The following XIAP variants were observed in gnomAD, a reference collection of about 807,000 sequenced individuals.
XIAP encodes the protein X-linked inhibitor of apoptosis.
A neutral mutation model predicts 33.1 loss-of-function variants in XIAP; 3 were observed. The observed-to-expected ratio is 0.09, with a 90% CI of 0.04 to 0.23. The LOEUF is 0.23. Ranked by LOEUF, XIAP falls within the 10% of genes least tolerant of loss-of-function variation. XIAP has a pLI of 1.00. For synonymous variants in XIAP, 98 were observed against 121.3 expected, an observed-to-expected ratio of 0.81 and a Z score of 1.26; for missense variants, 264 against 363.0, an observed-to-expected ratio of 0.73 and a Z score of 2.22.
chrX:123,899,594 AT>A (rs2053498769), intron 5 of XIAP, among the ~76,000 whole-genome samples: 1 of 109,105 alleles, frequency 9.2e-6, no homozygotes, highest in South Asian at 3.8e-4. Flanking sequence ...ATTACCATAG[AT>A]TAGTTTTGAA....
At chrX:123,899,025 G>T (rs1483116571) in intron 5 of XIAP, among the ~76,000 whole-genome samples, 6 of 94,832 alleles carry the variant, frequency 6.3e-5, no homozygotes, top group Admixed American at 3.8e-4. Flanking sequence ...AGAGGCTGAG[G>T]CAAGAGAATT....
intron 2 of XIAP, 29 bp downstream of exon 2, chrX:123,886,568 G>C (rs770247692): frequency 8.4e-7 from 1 of 1,195,958 alleles, no homozygotes; most frequent in Non-Finnish European, 1.1e-6. Flanking sequence ...CCAATAAATA[G>C]CTTCCCAAGT....
intron 6 of XIAP, among the ~76,000 whole-genome samples, chrX:123,905,786 A>G (rs1314390967): frequency 8.9e-6 from 1 of 112,527 alleles, no homozygotes; most frequent in African/African-American, 3.2e-5. Flanking sequence ...ATAGTTAAAT[A>G]GGGAAATGCC....
Position 123,892,738 on chromosome X carries a change from C to G in XIAP, c.1064C>G (p.Thr355Ser). ...THSLEECLVR[T>S]TEKTPSLTRR... is the part of the protein sequence containing the mutation. ...TTCCTATTTCTGTTACAGGTAAGAA[C>G]TACTGAGAAAACACCATCACTAACT... is the stretch of plus-strand genomic sequence containing the variant. Residue 355 changes from threonine to serine, a missense_variant, in exon 5 of 7, where the codon ACT becomes AGT. By Grantham distance (58) the Thr-to-Ser change is moderately conservative (BLOSUM62 1). Coordinates refer to ENST00000371199, the MANE Select transcript of XIAP (RefSeq NM_001167.4). 3.3e-6 allele frequency: 4 copies of G among 1,202,782 alleles called. No homozygotes were observed. Among genetic ancestry groups the G allele is most frequent in the Non-Finnish European group, 4.5e-6 (4 of 888,153 alleles).
intron 5 of XIAP, among the ~76,000 whole-genome samples, chrX:123,898,398 C>T (rs954395506): frequency 1.6e-4 from 18 of 110,928 alleles, no homozygotes; most frequent in Admixed American, 5.8e-4. Context: ...AGTCTCGCTC[C>T]GTCACCGAGG....
chrX:123,863,669 C>T (rs994078227), intron 1 of XIAP, among the ~76,000 whole-genome samples: 5 of 110,339 alleles, frequency 4.5e-5, no homozygotes, highest in South Asian at 3.9e-4. Flanking sequence ...CCACCACGCC[C>T]GGCTAATTTT....
chrX:123,885,557 G>T, intron 1 of XIAP, 74 bp from the exon 2 acceptor site: 1 of 851,939 alleles, frequency 1.2e-6, no homozygotes. Flanking sequence ...TGGATAATTT[G>T]TTAGCTCCTA....
rs1443103646 is a variant in XIAP, at chrX:123,861,243, T to C, written c.-33+950T>C. ...ATCCAACTAGTTAGATTAGAACCCATGTTATCTGGCTTCTTGCCCACCACT... is the reference window on the plus strand; with the variant it reads ...ATCCAACTAGTTAGATTAGAACCCACGTTATCTGGCTTCTTGCCCACCACT... On this transcript the variant is annotated intron_variant, in intron 1 of 6. Coordinates refer to ENST00000371199, the MANE Select transcript of XIAP (RefSeq NM_001167.4). Among the ~76,000 whole-genome samples, 11 of 111,896 alleles carry C rather than the reference T, an allele frequency of 9.8e-5. No individual in the cohort carries two copies. The East Asian group carries it at 2.5e-3, about 25-fold the overall frequency.
chrX:123,874,651 A>G (rs1262065316), intron 1 of XIAP: 4 of 107,479 alleles, frequency 3.7e-5, no homozygotes, highest in African/African-American at 1.4e-4. Context: ...ATAGCACTTT[A>G]TGGAACATCC....
intron 5 of XIAP, among the ~76,000 whole-genome samples, chrX:123,899,147 ATATATATATATATATATATGATTT>A (rs2053490015): frequency 2.3e-5 from 1 of 42,595 alleles, no homozygotes; most frequent in African/African-American, 9.8e-5. Flanking sequence ...AAAAAAAAAT[ATATATATATATATATATATGATTT>A]TATATATATA....
intron 1 of XIAP, among the ~76,000 whole-genome samples, chrX:123,875,054 C>T (rs1193401348): frequency 7.0e-5 from 7 of 99,484 alleles, no homozygotes; most frequent in African/African-American, 2.6e-4. Context: ...TGGAGTTTCC[C>T]TCTTGTTTCC....
chrX:123,911,917 G>C lies in XIAP; in HGVS notation c.*4736G>C, dbSNP rs1379849022. 4 of 326,712 alleles carry C rather than the reference G, an allele frequency of 1.2e-5. No homozygotes were observed. Among genetic ancestry groups the C allele is most frequent in the Non-Finnish European group, 2.4e-5 (4 of 169,624 alleles). 26.9% of individuals were successfully genotyped at this position (326,712 alleles called of 1,213,427 possible). On this transcript the variant is annotated 3_prime_UTR_variant, in exon 7 of 7. Transcript: ENST00000371199. ...AGTATCCAGTTCTTTCATTTTACAGGTGAGGCAACTGAGACTCAAAGGTGA... is the reference window on the plus strand; with the variant it reads ...AGTATCCAGTTCTTTCATTTTACAGCTGAGGCAACTGAGACTCAAAGGTGA...
At chrX:123,866,477 ATATAT>A (rs917446281) in intron 1 of XIAP, among the ~76,000 whole-genome samples, 36 of 82,697 alleles carry the variant, frequency 4.4e-4, no homozygotes, top group African/African-American at 1.5e-3. Context: ...ATTATATACA[ATATAT>A]TATATATGAT....
At chrX:123,871,299 G>T (rs1053000785) in intron 1 of XIAP, among the ~76,000 whole-genome samples, 3 of 110,831 alleles carry the variant, frequency 2.7e-5, no homozygotes, top group African/African-American at 9.8e-5. Flanking sequence ...AGAATACTTC[G>T]TTCTGAGAAA....
rs1569478469 is a variant in XIAP, at chrX:123,891,325, CATATA to C, written c.1056+12_1056+16del. 1.1e-6 allele frequency: 1 copy of C among 896,139 alleles called. No individual in the cohort carries two copies. Among genetic ancestry groups the C allele is most frequent in the African/African-American group, 2.0e-5 (1 of 50,648 alleles). 73.9% of individuals were successfully genotyped at this position (896,139 alleles called of 1,213,427 possible). A position where few individuals can be genotyped will look rare whatever the true frequency, so the allele number is the denominator to read the frequency against. ...CACTTGAGGAGTGTCTGGTAAGTCT[CATATA>C]ATTTATATTTTCAAATTCACATTTC... On this transcript the variant is annotated intron_variant, in intron 4 of 6. Coordinates refer to ENST00000371199, the MANE Select transcript of XIAP (RefSeq NM_001167.4).
chrX:123,889,304 A>G (rs370661086), intron 3 of XIAP, among the ~76,000 whole-genome samples: 2 of 104,683 alleles, frequency 1.9e-5, no homozygotes, highest in South Asian at 4.3e-4. Context: ...GTTGGCCAGG[A>G]TGGTCTTGAT....
intron 5 of XIAP, among the ~76,000 whole-genome samples, chrX:123,895,415 A>C (rs969006134): frequency 2.7e-5 from 3 of 112,329 alleles, no homozygotes; most frequent in Non-Finnish European, 5.6e-5. Flanking sequence ...ACATTTGTGC[A>C]TAAGTTTTTG....
chrX:123,911,086 G>T lies in XIAP; in HGVS notation c.*3905G>T, dbSNP rs754420465. ...CTAATACCCTTTTACCTCTCTGTGG[G>T]TTTGTCTTGACCTGGAAATTTGGGC... On this transcript the variant is annotated 3_prime_UTR_variant, in exon 7 of 7. Coordinates refer to ENST00000371199, the MANE Select transcript of XIAP (RefSeq NM_001167.4). 8 of 326,712 alleles carry T rather than the reference G, an allele frequency of 2.4e-5. No individual in the cohort carries two copies. The highest frequency in any genetic ancestry group is 9.4e-4 in the Middle Eastern group (1 of 1,061). 26.9% of individuals were successfully genotyped at this position (326,712 alleles called of 1,213,427 possible).
intron 5 of XIAP, 47 bp from the exon 6 acceptor site, chrX:123,900,446 A>AG (rs1260470391): frequency 9.3e-7 from 1 of 1,070,217 alleles, no homozygotes; most frequent in South Asian, 1.9e-5. Context: ...TAATGAAAAT[A>AG]ATTGTTTAAA....
Sources: gnomAD v4.1 joint callset for allele counts (sites outside exome capture counted in the v4.1 genomes callset) on GRCh38, gnomAD v4.1.1 for gene constraint, MANE v1.5 for transcripts, NCBI Gene and HGNC (gene_info 2026-07-23, HGNC 2026-07-21) for gene names.